The following GPRC5C variants were observed in gnomAD, a reference collection of about 807,000 sequenced individuals.
The protein encoded by GPRC5C is G protein-coupled receptor class C group 5 member C.
A neutral mutation model predicts 31.4 loss-of-function variants in GPRC5C; 22 were observed. That is an observed-to-expected ratio of 0.70 (90% CI 0.50 to 1.00). GPRC5C has a LOEUF of 1.00. GPRC5C is among the 50% of genes least tolerant of loss of function. The probability of loss-of-function intolerance (pLI) is 0.00; values close to 1 mark genes in which losing one functional copy is unlikely to be tolerated. For missense variants in GPRC5C, 557 were observed against 597.2 expected, an observed-to-expected ratio of 0.93 and a Z score of 0.70; for synonymous variants, 249 against 257.5, an observed-to-expected ratio of 0.97 and a Z score of 0.32.
In GPRC5C at chr17:74,440,545, G is replaced by C; in HGVS notation, c.769G>C (p.Val257Leu). The C allele has an allele frequency of 2.5e-6, 4 of 1,614,202 alleles. No individual in the cohort carries two copies. The highest frequency in any genetic ancestry group is 2.5e-6 in the Non-Finnish European group (3 of 1,180,032). The change falls in exon 2 of 4, where the codon GTG becomes CTG. Residue 257 changes from valine (V) to leucine (L), a missense_variant. Coordinates refer to ENST00000392627, the MANE Select transcript of GPRC5C (RefSeq NM_022036.4). This position sits in a 1 kb window ranked among gnomAD's most constrained non-coding sequence, Gnocchi z 4.4. ...LTTATSVAIW[V>L]VWIVMYTYGN... is the part of the protein sequence containing the mutation. ...CACAGCCACCTCCGTTGCCATATGG[G>C]TGGTGTGGATCGTCATGTATACTTA...
chr17:74,444,043 T>G (rs1489888679), intron 3 of GPRC5C, 131 bp downstream of exon 3: 1 of 664,346 alleles, frequency 1.5e-6, no homozygotes. Context: ...AGCTTCTCCA[T>G]CTGGTGCTTT....
rs141442359 is a variant in GPRC5C, at chr17:74,442,617, C to T, written c.1052-1201C>T. 2.3e-4 allele frequency among the ~76,000 whole-genome samples: 35 copies of T among 152,352 alleles called. No homozygotes were observed. In the East Asian group the frequency reaches 6.6e-3, roughly 29 times the overall value. On this transcript the variant is annotated intron_variant, in intron 2 of 3. Coordinates refer to ENST00000392627, the MANE Select transcript of GPRC5C (RefSeq NM_022036.4). ...ACTGCCCGGTTAACAAGCACCGGCT[C>T]TGGGGTCTCTGCTGGGAGGTCAGAG...
In GPRC5C at chr17:74,439,878, C is replaced by T; in HGVS notation, c.102C>T (p.Gly34=). The change falls in exon 2 of 4, where the codon GGC becomes GGT. Residue 34 remains glycine, a synonymous_variant. Transcript: ENST00000392627. ...QGHVPPGCSQ[G]LNPLYYNLCD... is the part of the protein sequence containing the mutation. Reference sequence around the variant, plus strand: ...ATGTCCCACCCGGCTGCAGCCAAGGCCTCAACCCCCTGTACTACAACCTGT... The same window carrying T: ...ATGTCCCACCCGGCTGCAGCCAAGGTCTCAACCCCCTGTACTACAACCTGT... 6.2e-7 allele frequency: 1 copy of T among 1,613,260 alleles called. No homozygotes were observed.
rs1376043823 is a variant in GPRC5C at position 74,442,256 on chromosome 17, G to T, written c.1051+1429G>T. Among the ~76,000 whole-genome samples, 3 of 152,216 alleles carry T rather than the reference G, an allele frequency of 2.0e-5. No individual in the cohort carries two copies. In the East Asian group the frequency reaches 5.8e-4, roughly 29 times the overall value. On this transcript the variant is annotated intron_variant, in intron 2 of 3. Coordinates refer to ENST00000392627, the MANE Select transcript of GPRC5C (RefSeq NM_022036.4). ...AACCTCAAGTGATCCGCCTGCCTCG[G>T]CATCCCAAAGTGCTGGGATTACAGG...
At chr17:74,448,523 A>G (rs556883217), downstream of GPRC5C, among the ~76,000 whole-genome samples, 18 of 152,198 alleles carry the variant, frequency 1.2e-4, no homozygotes, top group South Asian at 3.7e-3. Flanking sequence ...GATTATAGAC[A>G]TGTGCCACCA....
intron 1 of GPRC5C, among the ~76,000 whole-genome samples, chr17:74,433,188 A>G (rs1305254578): frequency 6.6e-6 from 1 of 152,056 alleles, no homozygotes; most frequent in Non-Finnish European, 1.5e-5. Flanking sequence ...CCGGGAGAGG[A>G]GACTGTTGGA....
chr17:74,433,654 G>C (rs2055388589), intron 1 of GPRC5C: 16 of 1,456,174 alleles, frequency 1.1e-5, no homozygotes, highest in Non-Finnish European at 1.5e-5. Flanking sequence ...AGGCTCTTGA[G>C]TGTGTGGGAT....
intron 2 of GPRC5C, chr17:74,443,613 C>G (rs1489749589): frequency 2.9e-6 from 2 of 692,164 alleles, no homozygotes; most frequent in Non-Finnish European, 5.3e-6. Flanking sequence ...TGCATCTGTA[C>G]AAAGGGGTGC....
chr17:74,434,429 A>C (rs1221785867), intron 1 of GPRC5C, among the ~76,000 whole-genome samples: 3 of 152,216 alleles, frequency 2.0e-5, no homozygotes, highest in Non-Finnish European at 4.4e-5. Context: ...GGATTCTAGA[A>C]GTCTTGTTCA....
chr17:74,443,644 C>T (rs755458942), intron 2 of GPRC5C, 174 bp from the exon 3 acceptor site: 10 of 698,126 alleles, frequency 1.4e-5, no homozygotes, highest in African/African-American at 3.5e-5. Flanking sequence ...AGGGGGCCCC[C>T]GTGTTCACAA....
At position 74,443,858 on chromosome 17, in the gene GPRC5C, G is replaced by A; in HGVS notation, c.1092G>A (p.Gln364=). 6.2e-7 allele frequency: 1 copy of A among 1,613,762 alleles called. No homozygotes were observed. Among genetic ancestry groups the A allele is most frequent in the Non-Finnish European group, 8.5e-7 (1 of 1,179,694 alleles). ...PVSPYSGYNG[Q]LLTSVYQPTE... Reference sequence around the variant, plus strand: ...CACCATACAGCGGGTACAATGGGCAGCTGCTGACCAGTGTGTACCAGCCCA... The same window carrying A: ...CACCATACAGCGGGTACAATGGGCAACTGCTGACCAGTGTGTACCAGCCCA... Residue 364 remains glutamine, a synonymous_variant, in exon 3 of 4, where the codon CAG becomes CAA. Transcript: ENST00000392627.
At chr17:74,449,523 CCTGAGTGTGTGA>C, downstream of GPRC5C, 1 of 375,772 alleles carries the variant, frequency 2.7e-6, no homozygotes, top group Non-Finnish European at 5.2e-6. Context: ...CCCGTGAAGC[CCTGAGTGTGTGA>C]CTGGAGCGCC....
chr17:74,444,004 G>C lies in GPRC5C; in HGVS notation c.1146+92G>C. 2.6e-5 allele frequency: 23 copies of C among 892,862 alleles called. 1 individual carries two copies. The South Asian group carries it at 3.4e-4, about 13-fold the overall frequency. 55.3% of individuals were successfully genotyped at this position (892,862 alleles called of 1,614,324 possible). On this transcript the variant is annotated intron_variant, in intron 3 of 3. Coordinates refer to ENST00000392627, the MANE Select transcript of GPRC5C (RefSeq NM_022036.4). Reference sequence around the variant, plus strand: ...GGAGAAGGCCATGTGGCCAGAGCTGGGTTGGGTGGAGGTGGTAAGGGGAAG... The same window carrying C: ...GGAGAAGGCCATGTGGCCAGAGCTGCGTTGGGTGGAGGTGGTAAGGGGAAG...
At chr17:74,441,586 A>G (rs1441297638) in intron 2 of GPRC5C, among the ~76,000 whole-genome samples, 4 of 152,132 alleles carry the variant, frequency 2.6e-5, no homozygotes, top group Non-Finnish European at 5.9e-5. Context: ...GCACTTTGGG[A>G]GGCTGAGGTG....
chr17:74,441,772 C>T (rs988227577), intron 2 of GPRC5C, among the ~76,000 whole-genome samples: 4 of 151,376 alleles, frequency 2.6e-5, no homozygotes, highest in Admixed American at 2.0e-4. Flanking sequence ...TTCAGTGAGC[C>T]GTGATTGCAC....
At position 74,440,919 on chromosome 17, in the gene GPRC5C, A is replaced by T; in HGVS notation, c.1051+92A>T. The T allele has an allele frequency of 8.5e-7, 1 of 1,172,320 alleles. No individual in the cohort carries two copies. Among genetic ancestry groups the T allele is most frequent in the Non-Finnish European group, 1.1e-6 (1 of 888,642 alleles). 72.6% of individuals were successfully genotyped at this position (1,172,320 alleles called of 1,614,324 possible). ...AGCCAGTCTCTTGAGCAAAATGGAAAGTTTTTGAGGTTTTCTGTAGTTTTC... is the reference window on the plus strand; with the variant it reads ...AGCCAGTCTCTTGAGCAAAATGGAATGTTTTTGAGGTTTTCTGTAGTTTTC... On this transcript the variant is annotated intron_variant, in intron 2 of 3. Coordinates refer to ENST00000392627, the MANE Select transcript of GPRC5C (RefSeq NM_022036.4). The surrounding 1 kb of genome is among the most constrained non-coding windows in gnomAD (Gnocchi z 4.4).
chr17:74,433,582 T>G, intron 1 of GPRC5C: 1 of 803,954 alleles, frequency 1.2e-6, no homozygotes, highest in Non-Finnish European at 2.2e-6. Flanking sequence ...AACCAGGGAC[T>G]GGGAGAGACC....
intron 1 of GPRC5C, chr17:74,433,873 G>C (rs990973011): frequency 3.6e-6 from 3 of 833,524 alleles, no homozygotes; most frequent in Non-Finnish European, 6.4e-6. Context: ...ATGCTGGAGC[G>C]AGGAAGGGAG....
At chr17:74,448,576 A>G (rs1252921162), downstream of GPRC5C, among the ~76,000 whole-genome samples, 1 of 152,018 alleles carries the variant, frequency 6.6e-6, no homozygotes, top group Non-Finnish European at 1.5e-5. Context: ...ACAGGGTTTC[A>G]CCATGTTGCC....
Sources: allele counts gnomAD v4.1 joint callset (sites outside exome capture counted in the v4.1 genomes callset), GRCh38; gene constraint gnomAD v4.1.1; non-coding constraint Gnocchi (gnomAD v3.1); transcripts MANE v1.5; gene names NCBI Gene and HGNC (gene_info 2026-07-23, HGNC 2026-07-21).